Variants in LCP2 observed in about 807,000 individuals in gnomAD.
LCP2 encodes the protein 76 kDa tyrosine phosphoprotein.
In LCP2, 29 loss-of-function variants were observed where a neutral mutation model predicts 74.5. That is an observed-to-expected ratio of 0.39 (90% CI 0.29 to 0.53). The LOEUF is 0.53. LCP2 is among the 20% of genes least tolerant of loss of function. LCP2 has a pLI of 0.72. For synonymous variants in LCP2, 228 were observed against 229.5 expected (o/e 0.99, Z 0.06); for missense variants, 604 against 634.6 (o/e 0.95, Z 0.52).
intron 10 of LCP2, among the ~76,000 whole-genome samples, chr5:170,264,899 G>T (rs561508134): frequency 6.6e-6 from 1 of 151,840 alleles, no homozygotes; most frequent in Non-Finnish European, 1.5e-5. Flanking sequence ...TTGGTTTGGG[G>T]TGGAACCTCT....
At chr5:170,271,556 G>A (rs1407790810) in intron 6 of LCP2, among the ~76,000 whole-genome samples, 1 of 152,146 alleles carries the variant, frequency 6.6e-6, no homozygotes, top group African/African-American at 2.4e-5. Flanking sequence ...CTCTTGGAAA[G>A]AATCTCTAAA....
intron 3 of LCP2, among the ~76,000 whole-genome samples, chr5:170,287,284 TAAAAC>T (rs754087514): frequency 2.0e-5 from 3 of 152,226 alleles, no homozygotes; most frequent in African/African-American, 7.2e-5. Context: ...CCAATGATGA[TAAAAC>T]AAAACAAAAC....
intron 2 of LCP2, 97 bp downstream of exon 2, chr5:170,293,213 G>T: frequency 8.4e-7 from 1 of 1,184,028 alleles, no homozygotes; most frequent in Non-Finnish European, 1.2e-6. Context: ...GGATCCTCGG[G>T]TGTCCCCAGG....
chr5:170,255,448 CTTT>C (rs983168952), intron 17 of LCP2, among the ~76,000 whole-genome samples: 8 of 152,170 alleles, frequency 5.3e-5, no homozygotes, highest in Non-Finnish European at 1.0e-4. Context: ...AAAAAAGTGG[CTTT>C]TCTGTTGTCA....
chr5:170,274,888 A>G (rs3789181), intron 5 of LCP2, among the ~76,000 whole-genome samples: 15,597 of 151,468 alleles, frequency 0.1, 1,583 homozygotes, highest in East Asian at 0.44. Flanking sequence ...GAGGCAGGAG[A>G]ATGGCGTGAA....
At chr5:170,288,439 C>T (rs1762222577) in intron 2 of LCP2, among the ~76,000 whole-genome samples, 1 of 152,178 alleles carries the variant, frequency 6.6e-6, no homozygotes, top group Admixed American at 6.5e-5. Context: ...GAGAAGCCAG[C>T]CTGGAGGAGT....
intron 3 of LCP2, among the ~76,000 whole-genome samples, chr5:170,285,143 C>A (rs1374412698): frequency 6.6e-6 from 1 of 152,178 alleles, no homozygotes; most frequent in Non-Finnish European, 1.5e-5. Context: ...ATGTCTACTA[C>A]TATTTTCTTT....
intron 3 of LCP2, among the ~76,000 whole-genome samples, chr5:170,280,375 G>A (rs868733346): frequency 6.6e-6 from 1 of 151,274 alleles, no homozygotes; most frequent in African/African-American, 2.4e-5. Context: ...CCCTGCTCTC[G>A]CTCTGCATTC....
intron 3 of LCP2, among the ~76,000 whole-genome samples, chr5:170,282,234 G>A (rs1762117614): frequency 6.6e-6 from 1 of 152,196 alleles, no homozygotes; most frequent in South Asian, 2.1e-4. Context: ...ATTCAGAAGA[G>A]TGTAATATTG....
intron 3 of LCP2, among the ~76,000 whole-genome samples, chr5:170,277,410 C>T (rs897478755): frequency 1.3e-5 from 2 of 152,132 alleles, no homozygotes; most frequent in Non-Finnish European, 2.9e-5. Flanking sequence ...TTCTCGATTC[C>T]TCCATCACCT....
rs1761557460 is a variant in LCP2, at chr5:170,256,659, G to A, written c.1101-84C>T. The A allele has an allele frequency of 5.3e-6, 5 of 943,026 alleles. No homozygotes were observed. Among genetic ancestry groups the A allele is most frequent in the Non-Finnish European group, 8.7e-6 (5 of 573,862 alleles). The allele number at this position is 943,026 out of a possible 1,614,324, so 58.4% of individuals were successfully genotyped here. A position where few individuals can be genotyped will look rare whatever the true frequency, so the allele number is the denominator to read the frequency against. ...GGAGCTGGGTTAGGGAAGCCAGGCT[G>A]CAAATGCTTCTTGATTTGGTATCAC... On this transcript the variant is annotated intron_variant, in intron 16 of 20. Transcript: ENST00000046794. This position sits in a 1 kb window ranked among gnomAD's most constrained non-coding sequence, Gnocchi z 4.5.
At chr5:170,275,439 C>T (rs1287505448) in intron 4 of LCP2, 88 bp from the exon 5 acceptor site, 3 of 1,442,926 alleles carry the variant, frequency 2.1e-6, no homozygotes, top group African/African-American at 1.4e-5. Context: ...GAGAGGGAGT[C>T]CCCAGTGGAG....
At chr5:170,280,240 T>C (rs1762077302) in intron 3 of LCP2, among the ~76,000 whole-genome samples, 1 of 151,962 alleles carries the variant, frequency 6.6e-6, no homozygotes, top group Admixed American at 6.6e-5. Context: ...TGATCCCTCC[T>C]GGGACAAGGC....
intron 2 of LCP2, among the ~76,000 whole-genome samples, chr5:170,289,429 C>T (rs906466465): frequency 1.3e-5 from 2 of 152,100 alleles, no homozygotes; most frequent in African/African-American, 4.8e-5. Flanking sequence ...GGGGCTAGGG[C>T]ATCTTAGCAA....
At chr5:170,250,602 G>A (rs1761413714) in intron 20 of LCP2, 128 bp downstream of exon 20, 1 of 710,390 alleles carries the variant, frequency 1.4e-6, no homozygotes, top group Non-Finnish European at 2.5e-6. Context: ...AATAAATGAA[G>A]GGCTTCACTC....
rs1032346882 is a variant in LCP2 at position 170,248,026 on chromosome 5, C to A, written c.*671G>T. 2 of 151,906 alleles carry A rather than the reference C, an allele frequency of 1.3e-5. No individual in the cohort carries two copies. The highest frequency in any genetic ancestry group is 2.9e-5 in the Non-Finnish European group (2 of 67,976). 9.4% of individuals were successfully genotyped at this position (151,906 alleles called of 1,614,324 possible). On this transcript the variant is annotated 3_prime_UTR_variant, in exon 21 of 21. Coordinates refer to ENST00000046794, the MANE Select transcript of LCP2 (RefSeq NM_005565.5). ...TTTGTAGTTTAAATTTTCTTTAAGA[C>A]AAAAATATAACAGTATGGACTAAAA...
intron 3 of LCP2, among the ~76,000 whole-genome samples, chr5:170,277,571 A>T (rs980640725): frequency 6.6e-6 from 1 of 151,456 alleles, no homozygotes; most frequent in African/African-American, 2.4e-5. Flanking sequence ...ACATGGTGAA[A>T]CCCCGTCTCT....
At chr5:170,249,968 C>A (rs1459667473) in intron 20 of LCP2, among the ~76,000 whole-genome samples, 2 of 152,218 alleles carry the variant, frequency 1.3e-5, no homozygotes, top group Admixed American at 1.3e-4. Flanking sequence ...CCACTGCCAA[C>A]CAGCGATTCA....
intron 14 of LCP2, 62 bp downstream of exon 14, chr5:170,261,045 C>T (rs1761640135): frequency 1.5e-6 from 2 of 1,302,692 alleles, no homozygotes; most frequent in Non-Finnish European, 2.2e-6. Flanking sequence ...GTCCCAACCT[C>T]CTAAGAGCCT....
Sources: allele counts gnomAD v4.1 joint callset (sites outside exome capture counted in the v4.1 genomes callset), GRCh38; gene constraint gnomAD v4.1.1; non-coding constraint Gnocchi (gnomAD v3.1); transcripts MANE v1.5; gene names NCBI Gene and HGNC (gene_info 2026-07-23, HGNC 2026-07-21).